Variants in SYNE1 observed in about 807,000 individuals in gnomAD.
SYNE1 encodes spectrin repeat containing nuclear envelope protein 1.
Under a neutral mutation model 1,111.0 loss-of-function variants are expected in SYNE1, and 616 were observed. The ratio of observed to expected loss-of-function variants is 0.55; its 90% CI spans 0.52 to 0.59. The LOEUF (loss-of-function observed/expected upper bound fraction) is 0.59. SYNE1 is among the 20% of genes least tolerant of loss of function. SYNE1 has a pLI of 0.00. For synonymous variants in SYNE1, 3,855 were observed against 3,825.8 expected (o/e 1.01, Z -0.28); for missense variants, 10,006 against 10,417.0 (o/e 0.96, Z 1.72).
intron 3 of SYNE1, chr6:152,546,865 TG>T (rs1423580988): frequency 6.6e-6 from 1 of 152,234 alleles, no homozygotes; most frequent in African/African-American, 2.4e-5. Flanking sequence ...CTTTTTTGAC[TG>T]GTTTAAGTAC....
At chr6:152,587,718 C>G (rs144792032) in intron 3 of SYNE1, among the ~76,000 whole-genome samples, 1 of 152,150 alleles carries the variant, frequency 6.6e-6, no homozygotes, top group South Asian at 2.1e-4. Context: ...GATTAGGACA[C>G]CTCTCTCTGA....
At chr6:152,487,744 G>C (rs577246643) in intron 12 of SYNE1, among the ~76,000 whole-genome samples, 1 of 152,186 alleles carries the variant, frequency 6.6e-6, no homozygotes, top group East Asian at 1.9e-4. Flanking sequence ...TCAACTCTTT[G>C]TTCTTGGTAG....
intron 95 of SYNE1, among the ~76,000 whole-genome samples, chr6:152,285,211 C>T (rs989688455): frequency 7.0e-6 from 1 of 143,868 alleles, no homozygotes; most frequent in Admixed American, 7.0e-5. Flanking sequence ...CCTTCCTCTC[C>T]TTCACTCACC....
intron 128 of SYNE1, among the ~76,000 whole-genome samples, chr6:152,185,002 G>A (rs187309106): frequency 3.0e-4 from 45 of 152,124 alleles, no homozygotes; most frequent in Non-Finnish European, 6.2e-4. Context: ...AGAAGCACCA[G>A]CTAAAACCTT....
rs747301149 is a variant in SYNE1, at chr6:152,253,817, GGTTTTTTTTTT to G, written c.19470+1052_19470+1062del. On this transcript the variant is annotated intron_variant, in intron 104 of 145. Transcript: ENST00000367255. The stretch of plus-strand genomic sequence containing the variant: ...ATGCTACATTTATGTGTAGTGGTTT[GGTTTTTTTTTT>G]TTTTTTTTTTTTTTTTTTTTTTTTT... Among the ~76,000 whole-genome samples, 28 of 59,156 alleles carry G rather than the reference GGTTTTTTTTTT, an allele frequency of 4.7e-4. 2 individuals are homozygous for G. The highest frequency in any genetic ancestry group is 2.0e-3 in the South Asian group (3 of 1,474). The allele number at this position is 59,156 out of a possible 152,430, so 38.8% of individuals were successfully genotyped here.
intron 56 of SYNE1, among the ~76,000 whole-genome samples, chr6:152,377,632 AAAAAAAAAATATATATAT>A (rs2097311961): frequency 1.2e-5 from 1 of 85,534 alleles, no homozygotes; most frequent in African/African-American, 5.9e-5. Context: ...AAAAAAAAAA[AAAAAAAAAATATATATAT>A]ATATATATAT....
intron 103 of SYNE1, 149 bp downstream of exon 103, chr6:152,255,442 T>A: frequency 1.0e-6 from 1 of 970,144 alleles, no homozygotes; most frequent in Non-Finnish European, 1.6e-6. Flanking sequence ...AAATGCGAAC[T>A]ATAAATATTC....
Position 152,350,784 on chromosome 6 carries a change from G to GA in SYNE1, c.11581-15dup, listed in dbSNP as rs5880967. On this transcript the variant is annotated splice_polypyrimidine_tract_variant and intron_variant, in intron 70 of 145. Coordinates refer to ENST00000367255, the MANE Select transcript of SYNE1 (RefSeq NM_182961.4). Reference sequence around the variant, plus strand: ...TTGTTGAAGTGACTTGAATTACAAAGAAAAAAAAATGAGCCTGCTCATCTC... The same window carrying GA: ...TTGTTGAAGTGACTTGAATTACAAAGAAAAAAAAAATGAGCCTGCTCATCTC... 0.58 allele frequency: 913,828 copies of GA among 1,573,090 alleles called. 255,503 individuals carry two copies. Among genetic ancestry groups the GA allele is most frequent in the East Asian group, 0.62 (26,915 of 43,640 alleles).
chr6:152,164,925 T>A (rs188845176), intron 130 of SYNE1, among the ~76,000 whole-genome samples: 1 of 152,350 alleles, frequency 6.6e-6, no homozygotes, highest in East Asian at 1.9e-4. Flanking sequence ...TTGGCTCAAC[T>A]GAAGAGGTAT....
chr6:152,166,080 C>CT (rs1287548641), intron 130 of SYNE1, among the ~76,000 whole-genome samples: 1 of 152,220 alleles, frequency 6.6e-6, no homozygotes, highest in African/African-American at 2.4e-5. Flanking sequence ...GATCTGAACA[C>CT]TTACTAGGCT....
rs34808382 is a variant in SYNE1, at chr6:152,488,727, A to ATT, written c.940-226_940-225dup. On this transcript the variant is annotated intron_variant, in intron 11 of 145. Transcript: ENST00000367255. ...TTGAATAACGAAATTAACCAACTCC[A>ATT]TTTTTTTTTTGCCAAGTAACGCTAA... Among the ~76,000 whole-genome samples, 74,048 of 149,676 alleles carry ATT rather than the reference A, an allele frequency of 0.49. 19,261 individuals are homozygous for ATT. The highest frequency in any genetic ancestry group is 0.74 in the East Asian group (3,782 of 5,092).
intron 74 of SYNE1, among the ~76,000 whole-genome samples, chr6:152,341,710 T>C (rs1449484672): frequency 6.6e-6 from 1 of 152,178 alleles, no homozygotes; most frequent in Non-Finnish European, 1.5e-5. Context: ...GCCTGGTCAA[T>C]TTTACATGAA....
intron 129 of SYNE1, among the ~76,000 whole-genome samples, chr6:152,176,988 T>C (rs1249263064): frequency 1.3e-5 from 2 of 152,142 alleles, no homozygotes; most frequent in Non-Finnish European, 2.9e-5. Context: ...CATATATATA[T>C]GCAATTGATA....
chr6:152,479,043 T>C (rs947394244), intron 14 of SYNE1, among the ~76,000 whole-genome samples: 2 of 152,096 alleles, frequency 1.3e-5, no homozygotes, highest in Non-Finnish European at 2.9e-5. Context: ...TAACAGATTA[T>C]AGGGCACAGA....
intron 121 of SYNE1, among the ~76,000 whole-genome samples, chr6:152,216,693 C>A (rs913297902): frequency 5.3e-5 from 8 of 152,094 alleles, no homozygotes; most frequent in African/African-American, 1.7e-4. Context: ...GAGCTTTAAC[C>A]AAGGGAATAA....
chr6:152,234,723 G>C lies in SYNE1; in HGVS notation c.20474C>G (p.Ser6825Cys), dbSNP rs1456719826. 1 of 1,614,218 alleles carries C rather than the reference G, an allele frequency of 6.2e-7. No homozygotes were observed. The highest frequency in any genetic ancestry group is 1.1e-5 in the South Asian group (1 of 91,084). Residue 6825 changes from serine to cysteine, a missense_variant, in exon 111 of 146, where the codon TCT (serine) becomes TGT (cysteine). Ser to Cys is a moderately radical substitution (Grantham distance 112). This residue lies in a region of SYNE1 where 2,182 missense variants were observed against 2,287.8 expected (regional missense o/e 0.95). Transcript: ENST00000367255. ...KDRLEFWTQQSVTVPQELEMV... is the reference protein window; with the variant it reads ...KDRLEFWTQQCVTVPQELEMV... Reference sequence around the variant, plus strand: ...TTCCAGCTCTTGTGGGACTGTCACAGATTGCTGAGTCCAAAATTCTAGCCG... The same window carrying C: ...TTCCAGCTCTTGTGGGACTGTCACACATTGCTGAGTCCAAAATTCTAGCCG...
chr6:152,315,081 TTTAAG>T (rs1425543386), intron 87 of SYNE1: 1 of 151,330 alleles, frequency 6.6e-6, no homozygotes, highest in African/African-American at 2.4e-5. Context: ...TTATTTCACA[TTTAAG>T]TTTTCTTTAA....
intron 2 of SYNE1, among the ~76,000 whole-genome samples, chr6:152,635,921 C>T (rs2099705118): frequency 6.6e-6 from 1 of 152,168 alleles, no homozygotes; most frequent in South Asian, 2.1e-4. Context: ...CACACCCAGC[C>T]TGCCTTCCCA....
chr6:152,286,030 C>T (rs1282679485), intron 95 of SYNE1, among the ~76,000 whole-genome samples: 3 of 152,204 alleles, frequency 2.0e-5, no homozygotes, highest in African/African-American at 7.2e-5. Context: ...ATCTTTTCCA[C>T]AGGACTGGAG....
Sources: allele counts gnomAD v4.1 joint callset (sites outside exome capture counted in the v4.1 genomes callset), GRCh38; gene constraint gnomAD v4.1.1; regional missense constraint gnomAD v4.1.1; transcripts MANE v1.5; gene names NCBI Gene and HGNC (gene_info 2026-07-23, HGNC 2026-07-21).